The following EPSTI1 variants were observed in gnomAD, a reference collection of about 807,000 sequenced individuals.
The protein encoded by EPSTI1 is epithelial-stromal interaction protein 1.
In EPSTI1, 66 loss-of-function variants were observed where a neutral mutation model predicts 49.9. That is an observed-to-expected ratio of 1.32 (90% CI 1.08 to 1.62). The LOEUF (loss-of-function observed/expected upper bound fraction) is 1.62, where lower values mean the gene tolerates loss of function less well. EPSTI1 is among the 40% of genes most tolerant of loss of function. EPSTI1 has a pLI of 0.00. For synonymous variants in EPSTI1, 137 were observed against 130.7 expected (o/e 1.05, Z -0.33); for missense variants, 394 against 365.5 (o/e 1.08, Z -0.64).
chr13:42,904,554 A>G (rs1051869079), intron 8 of EPSTI1, among the ~76,000 whole-genome samples: 8 of 152,198 alleles, frequency 5.3e-5, no homozygotes, highest in Admixed American at 5.2e-4. Flanking sequence ...GTGTTCAAAG[A>G]TGTATGTATA....
At position 42,886,674 on chromosome 13, in the gene EPSTI1, C is replaced by G. The variant is rs1214941560; in HGVS notation, c.*1820G>C. ...CCTTTAGGCAGCAAGTCTTGCTTCTCTCCTGGTTACCTCTGCCTACATAGA... is the reference window on the plus strand; with the variant it reads ...CCTTTAGGCAGCAAGTCTTGCTTCTGTCCTGGTTACCTCTGCCTACATAGA... On this transcript the variant is annotated 3_prime_UTR_variant, in exon 11 of 11. Transcript: ENST00000313624. 6.6e-6 allele frequency: 1 copy of G among 152,194 alleles called. No homozygotes were observed. Among genetic ancestry groups the G allele is most frequent in the Non-Finnish European group, 1.5e-5 (1 of 68,038 alleles). The allele number at this position is 152,194 out of a possible 1,614,324, so 9.4% of individuals were successfully genotyped here.
Position 42,939,122 on chromosome 13 carries a change from C to T in EPSTI1, c.564-12693G>A, listed in dbSNP as rs569369857. Among the ~76,000 whole-genome samples, 32 of 152,196 alleles carry T rather than the reference C, an allele frequency of 2.1e-4. 2 individuals carry two copies. The East Asian group carries it at 3.9e-3, about 18-fold the overall frequency. ...TCTTCTACAGCTTCCTCATCTCTCT[C>T]AGCTTTCATAGAATTAAACAGTGTT... On this transcript the variant is annotated intron_variant, in intron 6 of 10. Transcript: ENST00000313624.
intron 10 of EPSTI1, among the ~76,000 whole-genome samples, chr13:42,893,884 A>T (rs187856193): frequency 7.7e-4 from 117 of 152,340 alleles, no homozygotes; most frequent in African/African-American, 2.7e-3. Flanking sequence ...TCCTACTCAC[A>T]TACTGTTACA....
chr13:42,986,919 C>T (rs1419212932), intron 1 of EPSTI1, among the ~76,000 whole-genome samples: 1 of 151,936 alleles, frequency 6.6e-6, no homozygotes, highest in African/African-American at 2.4e-5. Context: ...TCCAGGTTGG[C>T]GAACACATCA....
intron 8 of EPSTI1, among the ~76,000 whole-genome samples, chr13:42,916,363 T>A (rs1039481648): frequency 5.9e-5 from 9 of 152,064 alleles, no homozygotes; most frequent in Admixed American, 5.9e-4. Context: ...ACTCGCATGA[T>A]TTCTTTCAAT....
intron 7 of EPSTI1, among the ~76,000 whole-genome samples, chr13:42,925,811 A>C (rs1478772381): frequency 6.6e-6 from 1 of 152,206 alleles, no homozygotes; most frequent in East Asian, 1.9e-4. Flanking sequence ...ATTTCCCAAG[A>C]AGCATCTAAC....
chr13:42,943,085 T>C (rs2038811272), intron 6 of EPSTI1, among the ~76,000 whole-genome samples: 1 of 152,224 alleles, frequency 6.6e-6, no homozygotes, highest in Admixed American at 6.5e-5. Context: ...CCTTCCTCTT[T>C]CTTGGATTTA....
chr13:42,924,766 A>C (rs944647272), intron 7 of EPSTI1, among the ~76,000 whole-genome samples: 1 of 152,226 alleles, frequency 6.6e-6, no homozygotes, highest in African/African-American at 2.4e-5. Context: ...TTTAGACTTT[A>C]GAACATCACA....
At chr13:42,911,275 G>A (rs905440472) in intron 8 of EPSTI1, among the ~76,000 whole-genome samples, 16 of 136,994 alleles carry the variant, frequency 1.2e-4, no homozygotes, top group Non-Finnish European at 2.1e-4. Flanking sequence ...GCGCGCGCAC[G>A]CGCGCACACG....
In EPSTI1 at chr13:42,922,780, C is replaced by T. The variant is rs532833761; in HGVS notation, c.657+3556G>A. Among the ~76,000 whole-genome samples, 4 of 152,284 alleles carry T rather than the reference C, an allele frequency of 2.6e-5. No individual in the cohort carries two copies. The East Asian group carries it at 5.8e-4, about 22-fold the overall frequency. On this transcript the variant is annotated intron_variant, in intron 7 of 10. Coordinates refer to ENST00000313624, the MANE Select transcript of EPSTI1 (RefSeq NM_033255.5). This position sits in a 1 kb window ranked among gnomAD's most constrained non-coding sequence, Gnocchi z 4.8. Reference sequence around the variant, plus strand: ...GATAAAAATTACAATAATCAACCTGCACTGAGTGCTCACAGTAGTGTGAGA... The same window carrying T: ...GATAAAAATTACAATAATCAACCTGTACTGAGTGCTCACAGTAGTGTGAGA...
rs760972340 is a variant in EPSTI1, at chr13:42,917,467, G to T, written c.741+74C>A. 3.0e-5 allele frequency: 37 copies of T among 1,246,920 alleles called. 1 individual carries two copies. The highest frequency in any genetic ancestry group is 2.3e-4 in the Middle Eastern group (1 of 4,356). The allele number at this position is 1,246,920 out of a possible 1,614,324, so 77.2% of individuals were successfully genotyped here. On this transcript the variant is annotated intron_variant, in intron 8 of 10. Transcript: ENST00000313624. The stretch of plus-strand genomic sequence containing the variant: ...GATTTTCATGTGTCTAAATATTTCT[G>T]TTCAGAAATTCTTCAAAATTATCTA...
chr13:42,890,513 T>C (rs2037004748), intron 10 of EPSTI1, among the ~76,000 whole-genome samples: 1 of 152,112 alleles, frequency 6.6e-6, no homozygotes, highest in Non-Finnish European at 1.5e-5. Context: ...TTAGCCAGGA[T>C]GGTCTCGATC....
intron 7 of EPSTI1, among the ~76,000 whole-genome samples, chr13:42,918,056 C>G (rs1158921806): frequency 6.6e-6 from 1 of 152,164 alleles, no homozygotes; most frequent in Non-Finnish European, 1.5e-5. Flanking sequence ...TTAATGATAT[C>G]TGATTAAGCA....
chr13:42,908,845 G>A lies in EPSTI1; in HGVS notation c.742-8462C>T, dbSNP rs1488236791. On this transcript the variant is annotated intron_variant, in intron 8 of 10. Transcript: ENST00000313624. Reference sequence around the variant, plus strand: ...TGCCTATAATCCCAGCACTTTGGGAGGCCTAGGCAGGTGGATCACCTGAGG... The same window carrying A: ...TGCCTATAATCCCAGCACTTTGGGAAGCCTAGGCAGGTGGATCACCTGAGG... 2.0e-5 allele frequency among the ~76,000 whole-genome samples: 3 copies of A among 151,948 alleles called. No homozygotes were observed. In the East Asian group the frequency reaches 5.8e-4, roughly 29 times the overall value.
intron 6 of EPSTI1, among the ~76,000 whole-genome samples, chr13:42,950,588 G>GT (rs78995480): frequency 0.031 from 4,754 of 152,208 alleles, 176 homozygotes; most frequent in South Asian, 0.098. Flanking sequence ...GGTGCCCCAG[G>GT]TTGCTATCAT....
In EPSTI1 at chr13:42,894,910, C is replaced by T. The variant is rs558908805; in HGVS notation, c.915+99G>A. On this transcript the variant is annotated intron_variant, in intron 10 of 10. Coordinates refer to ENST00000313624, the MANE Select transcript of EPSTI1 (RefSeq NM_033255.5). ...CTGCCAAACAGCACAACAACAAAAA[C>T]GTAATATCTGGGGAGAAGGCCAAAA... 1,494 of 1,033,216 alleles carry T rather than the reference C, an allele frequency of 1.4e-3. 3 individuals carry two copies. Among genetic ancestry groups the T allele is most frequent in the Non-Finnish European group, 1.5e-3 (1,100 of 709,742 alleles). 64.0% of individuals were successfully genotyped at this position (1,033,216 alleles called of 1,614,324 possible).
chr13:42,985,907 T>A (rs2040069174), intron 1 of EPSTI1, among the ~76,000 whole-genome samples: 2 of 152,198 alleles, frequency 1.3e-5, no homozygotes, highest in South Asian at 4.1e-4. Flanking sequence ...TAAAAACCCT[T>A]GCCCAGAACC....
At chr13:42,968,066 AAG>A (rs2039667340) in intron 3 of EPSTI1, among the ~76,000 whole-genome samples, 1 of 152,188 alleles carries the variant, frequency 6.6e-6, no homozygotes, top group African/African-American at 2.4e-5. Context: ...TACTGTTTGA[AAG>A]AGACCAAAAA....
chr13:42,960,752 C>G (rs1004738771), intron 5 of EPSTI1, among the ~76,000 whole-genome samples: 2 of 152,190 alleles, frequency 1.3e-5, no homozygotes, highest in African/African-American at 4.8e-5. Flanking sequence ...CTAGAGGCTA[C>G]CCACATTCCT....
Sources: gnomAD v4.1 joint callset for allele counts (sites outside exome capture counted in the v4.1 genomes callset) on GRCh38, gnomAD v4.1.1 for gene constraint, Gnocchi (gnomAD v3.1) non-coding constraint, MANE v1.5 for transcripts, NCBI Gene and HGNC (gene_info 2026-07-23, HGNC 2026-07-21) for gene names.